Variants in SEC31A observed in about 807,000 individuals in gnomAD.
The protein encoded by SEC31A is protein transport protein Sec31A.
SEC31A carries 70 observed loss-of-function variants against 151.0 expected under a neutral mutation model. The ratio of observed to expected loss-of-function variants is 0.46; its 90% confidence interval spans 0.38 to 0.57. SEC31A has a LOEUF of 0.57. Among genes scored for constraint, SEC31A ranks in the 20% least tolerant of loss-of-function variants. The probability of loss-of-function intolerance (pLI) is 0.00; values close to 1 mark genes in which losing one functional copy is unlikely to be tolerated. For synonymous variants in SEC31A, 475 were observed against 505.9 expected, an observed-to-expected ratio of 0.94 and a Z score of 0.82; for missense variants, 1,330 against 1,471.2, an observed-to-expected ratio of 0.90 and a Z score of 1.57.
At chr4:82,878,339 C>T (rs1413874640) in intron 4 of SEC31A, among the ~76,000 whole-genome samples, 1 of 151,800 alleles carries the variant, frequency 6.6e-6, no homozygotes, top group African/African-American at 2.4e-5. Context: ...ACTAAAAGTA[C>T]AAAAATTAGC....
chr4:82,839,040 C>A (rs926373704), intron 22 of SEC31A, among the ~76,000 whole-genome samples: 15 of 152,190 alleles, frequency 9.9e-5, no homozygotes. Flanking sequence ...TGCAGTGGCA[C>A]GATCTCAGCT....
Position 82,857,769 on chromosome 4 carries a change from A to G in SEC31A, c.1627-5T>C, listed in dbSNP as rs1217480684. 3 of 1,578,424 alleles carry G rather than the reference A, an allele frequency of 1.9e-6. No individual in the cohort carries two copies. In the East Asian group the frequency reaches 6.7e-5, roughly 35 times the overall value. ...TTCTTTTTCCTCTTTAATGTGCTAA[A>G]GAGATGAAAAAAGCAACAATTTAGC... On this transcript the variant is annotated splice_polypyrimidine_tract_variant and splice_region_variant and intron_variant, in intron 14 of 26. Coordinates refer to ENST00000395310, the MANE Select transcript of SEC31A (RefSeq NM_001077207.4).
At chr4:82,853,811 A>C in intron 17 of SEC31A, 96 bp from the exon 18 acceptor site, 1 of 960,394 alleles carries the variant, frequency 1.0e-6, no homozygotes, top group Non-Finnish European at 1.5e-6. Context: ...GCATGGATTA[A>C]GCTTCATAAC....
intron 22 of SEC31A, among the ~76,000 whole-genome samples, chr4:82,833,755 T>C (rs1203321985): frequency 2.6e-5 from 4 of 152,134 alleles, no homozygotes; most frequent in African/African-American, 4.8e-5. Flanking sequence ...GATTCAGCTA[T>C]CATTAATTGA....
chr4:82,871,334 ACAC>A (rs1170408511), intron 7 of SEC31A: 8 of 1,510,974 alleles, frequency 5.3e-6, no homozygotes, highest in Non-Finnish European at 7.1e-6. Context: ...ACACACACAC[ACAC>A]AAGTAACGTA....
chr4:82,847,344 C>T (rs1467498442), intron 20 of SEC31A, among the ~76,000 whole-genome samples: 1 of 152,188 alleles, frequency 6.6e-6, no homozygotes, highest in African/African-American at 2.4e-5. Flanking sequence ...TTCAGTACAT[C>T]TTAAGCTTTA....
intron 1 of SEC31A, 76 bp from the exon 2 acceptor site, chr4:82,882,016 G>C (rs1739462051): frequency 9.0e-7 from 1 of 1,110,814 alleles, no homozygotes; most frequent in Non-Finnish European, 1.4e-6. Context: ...ATTTTAAATA[G>C]AAACATACTG....
chr4:82,869,765 TA>T (rs1486074946), intron 8 of SEC31A, among the ~76,000 whole-genome samples: 6 of 152,180 alleles, frequency 3.9e-5, no homozygotes, highest in African/African-American at 1.4e-4. Flanking sequence ...TTTAACAATA[TA>T]GATGAAAACT....
chr4:82,820,224 C>T (rs557908239), intron 26 of SEC31A, among the ~76,000 whole-genome samples: 1 of 148,722 alleles, frequency 6.7e-6, no homozygotes, highest in East Asian at 2.0e-4. Context: ...CCGCATCAGC[C>T]TCCTCAGTAG....
chr4:82,889,701 C>T (rs55661467), intron 1 of SEC31A, among the ~76,000 whole-genome samples: 38,876 of 151,984 alleles, frequency 0.26, 5,572 homozygotes, highest in East Asian at 0.49. Flanking sequence ...TATTTCTATT[C>T]CCATGTTATT....
intron 21 of SEC31A, chr4:82,842,744 G>T: frequency 2.9e-6 from 1 of 350,850 alleles, no homozygotes; most frequent in East Asian, 5.5e-5. Flanking sequence ...CCCAAGAACT[G>T]CAAGACTGAC....
intron 1 of SEC31A, among the ~76,000 whole-genome samples, chr4:82,887,988 G>A (rs1741141419): frequency 6.6e-6 from 1 of 151,738 alleles, no homozygotes; most frequent in African/African-American, 2.4e-5. Context: ...AGAGCTTGCA[G>A]TAAGCTGAGA....
intron 10 of SEC31A, 37 bp from the exon 11 acceptor site, chr4:82,864,635 C>T (rs752356344): frequency 1.3e-6 from 2 of 1,579,934 alleles, no homozygotes; most frequent in African/African-American, 1.3e-5. Context: ...AGTGTTAACC[C>T]AAGGATATGG....
At chr4:82,823,875 TTGA>T (rs943430984) in intron 25 of SEC31A, among the ~76,000 whole-genome samples, 13 of 152,208 alleles carry the variant, frequency 8.5e-5, no homozygotes, top group Admixed American at 2.6e-4. Flanking sequence ...TACAGTTTTG[TTGA>T]TGAGAGGCAG....
At position 82,872,809 on chromosome 4, in the gene SEC31A, G is replaced by A. The variant is rs551173804; in HGVS notation, c.640-723C>T. ...CCACCTCCGCCTCCCAGGTTCAAGCGATTCTCCCGCTTCAGCTTCCCAATA... is the reference window on the plus strand; with the variant it reads ...CCACCTCCGCCTCCCAGGTTCAAGCAATTCTCCCGCTTCAGCTTCCCAATA... On this transcript the variant is annotated intron_variant, in intron 6 of 26. Transcript: ENST00000395310. 1.8e-3 allele frequency among the ~76,000 whole-genome samples: 270 copies of A among 152,190 alleles called. 1 individual carries two copies. Among genetic ancestry groups the A allele is most frequent in the African/African-American group, 6.1e-3 (253 of 41,550 alleles).
At chr4:82,890,669 G>A in intron 1 of SEC31A, 4 of 880,170 alleles carry the variant, frequency 4.5e-6, no homozygotes, top group Non-Finnish European at 5.5e-6. Context: ...TCTGGCAATA[G>A]TTCAAGTACA....
At chr4:82,871,311 T>TACACAC (rs10548601) in intron 7 of SEC31A, 223 of 1,324,380 alleles carry the variant, frequency 1.7e-4, no homozygotes, top group Middle Eastern at 1.2e-3. Flanking sequence ...TATACATGCA[T>TACACAC]ACACACACAC....
At chr4:82,861,822 T>G (rs962480313) in intron 13 of SEC31A, 114 bp from the exon 14 acceptor site, 22 of 485,380 alleles carry the variant, frequency 4.5e-5, no homozygotes, top group African/African-American at 4.3e-4. Flanking sequence ...AGTTTAATCA[T>G]AAGAAGCAAC....
intron 22 of SEC31A, among the ~76,000 whole-genome samples, chr4:82,832,938 C>T (rs57994979): frequency 0.21 from 31,543 of 152,044 alleles, 3,363 homozygotes; most frequent in South Asian, 0.34. Flanking sequence ...AAAATAGGAA[C>T]GCTTTTACAC....
Sources: allele counts gnomAD v4.1 joint callset (sites outside exome capture counted in the v4.1 genomes callset), GRCh38; gene constraint gnomAD v4.1.1; transcripts MANE v1.5; gene names NCBI Gene and HGNC (gene_info 2026-07-23, HGNC 2026-07-21).